The following UCK2 variants were observed in gnomAD, a reference collection of about 807,000 sequenced individuals.
The protein encoded by UCK2 is cytidine monophosphokinase 2.
UCK2 carries 6 observed loss-of-function variants against 30.8 expected under a neutral mutation model. That is an observed-to-expected ratio of 0.19 (90% confidence interval 0.11 to 0.38). The LOEUF (loss-of-function observed/expected upper bound fraction) is 0.38. Among genes scored for constraint, UCK2 ranks in the 10% least tolerant of loss-of-function variants. UCK2 has a pLI of 1.00. For synonymous variants in UCK2, 125 were observed against 133.6 expected (o/e 0.94, Z 0.45); for missense variants, 210 against 339.8 (o/e 0.62, Z 3.00).
intron 1 of UCK2, among the ~76,000 whole-genome samples, chr1:165,828,859 C>CCGTGT (rs1273803700): frequency 6.6e-6 from 1 of 152,168 alleles, no homozygotes; most frequent in Admixed American, 6.5e-5. Flanking sequence ...GATGTGGCTA[C>CCGTGT]TTGTTTTTCC....
At chr1:165,840,321 C>T (rs771445524) in intron 1 of UCK2, among the ~76,000 whole-genome samples, 11 of 152,218 alleles carry the variant, frequency 7.2e-5, no homozygotes, top group Admixed American at 1.3e-4. Flanking sequence ...TGTATGTATA[C>T]ATTGTGGAAT....
rs188096096 is a variant in UCK2 at position 165,874,515 on chromosome 1, C to G, written c.100-15689C>G. On this transcript the variant is annotated intron_variant, in intron 1 of 6. Coordinates refer to ENST00000367879, the MANE Select transcript of UCK2 (RefSeq NM_012474.5). ...CCTGGCAGCCTCCCAAAACAAAGGT[C>G]TCCATCCCCTGCGTTAAAAGGGATA... 7.9e-4 allele frequency among the ~76,000 whole-genome samples: 120 copies of G among 152,230 alleles called. 1 individual carries two copies. Among genetic ancestry groups the G allele is most frequent in the Middle Eastern group, 3.4e-3 (1 of 294 alleles).
At chr1:165,855,738 A>G (rs1388309023) in intron 1 of UCK2, among the ~76,000 whole-genome samples, 2 of 152,104 alleles carry the variant, frequency 1.3e-5, no homozygotes, top group Admixed American at 6.5e-5. Flanking sequence ...GAACATGAAT[A>G]TTCGAGGAGC....
At chr1:165,864,497 A>C (rs531358630) in intron 1 of UCK2, among the ~76,000 whole-genome samples, 25 of 152,308 alleles carry the variant, frequency 1.6e-4, no homozygotes, top group African/African-American at 4.6e-4. Context: ...TACAAAAAGT[A>C]ATTAGAATAG....
intron 1 of UCK2, among the ~76,000 whole-genome samples, chr1:165,836,199 G>C (rs1451700182): frequency 6.6e-6 from 1 of 151,708 alleles, no homozygotes; most frequent in Non-Finnish European, 1.5e-5. Context: ...CTACACTCCA[G>C]CCTGGGCGAC....
intron 1 of UCK2, among the ~76,000 whole-genome samples, chr1:165,840,522 G>T (rs1392370104): frequency 6.6e-6 from 1 of 152,196 alleles, no homozygotes; most frequent in East Asian, 1.9e-4. Context: ...TTGCCGTCCA[G>T]TTCTAGCCAG....
intron 3 of UCK2, among the ~76,000 whole-genome samples, chr1:165,892,476 C>T (rs1655795511): frequency 6.6e-6 from 1 of 152,146 alleles, no homozygotes; most frequent in Non-Finnish European, 1.5e-5. Flanking sequence ...AATCTGGGAG[C>T]TTATGGACTG....
chr1:165,852,338 A>G (rs1181046138), intron 1 of UCK2, among the ~76,000 whole-genome samples: 1 of 152,248 alleles, frequency 6.6e-6, no homozygotes, highest in Non-Finnish European at 1.5e-5. Context: ...AAGGTCTAAT[A>G]TCCAGAATTT....
intron 1 of UCK2, among the ~76,000 whole-genome samples, chr1:165,836,463 TAGACTC>T (rs1205622116): frequency 6.6e-6 from 1 of 152,214 alleles, no homozygotes; most frequent in African/African-American, 2.4e-5. Flanking sequence ...GAAGGTCACT[TAGACTC>T]AGTTTTTACC....
chr1:165,896,801 G>A (rs1312229662), intron 4 of UCK2, among the ~76,000 whole-genome samples: 1 of 152,172 alleles, frequency 6.6e-6, no homozygotes, highest in East Asian at 1.9e-4. Context: ...AGGCTTTATG[G>A]AGGCATTATC....
intron 1 of UCK2, among the ~76,000 whole-genome samples, chr1:165,830,620 G>T (rs1007698788): frequency 6.7e-6 from 1 of 150,030 alleles, no homozygotes; most frequent in Non-Finnish European, 1.5e-5. Flanking sequence ...CCACCACGCC[G>T]GCAATCTTTA....
chr1:165,906,712 G>A (rs1385634488), intron 6 of UCK2, among the ~76,000 whole-genome samples: 1 of 152,212 alleles, frequency 6.6e-6, no homozygotes, highest in Non-Finnish European at 1.5e-5. Context: ...AAGTATGAAT[G>A]TCTCTGGACT....
intron 1 of UCK2, among the ~76,000 whole-genome samples, chr1:165,847,007 G>A (rs1654465046): frequency 6.6e-6 from 1 of 152,062 alleles, no homozygotes; most frequent in South Asian, 2.1e-4. Flanking sequence ...GTAGAGTGGA[G>A]ATAGCTCACA....
At chr1:165,841,816 G>T (rs1654337832) in intron 1 of UCK2, among the ~76,000 whole-genome samples, 1 of 152,120 alleles carries the variant, frequency 6.6e-6, no homozygotes, top group Admixed American at 6.6e-5. Flanking sequence ...TCATTCTCTT[G>T]TGTCATGGTT....
intron 3 of UCK2, chr1:165,891,614 C>A (rs1042709003): frequency 2.1e-5 from 7 of 336,388 alleles, no homozygotes; most frequent in African/African-American, 1.5e-4. Context: ...GCATTCTGAT[C>A]CACATTCCAG....
At chr1:165,900,278 C>G (rs1178125788) in intron 4 of UCK2, 1 of 152,230 alleles carries the variant, frequency 6.6e-6, no homozygotes, top group Non-Finnish European at 1.5e-5. Flanking sequence ...AGAACACATG[C>G]TTATTGAACA....
chr1:165,885,307 C>G (rs777660678), intron 1 of UCK2: 266 of 398,286 alleles, frequency 6.7e-4, no homozygotes, highest in Non-Finnish European at 1.0e-3. Context: ...CCAGTTTCCT[C>G]ATTAGGAAAA....
chr1:165,868,261 C>CA lies in UCK2; in HGVS notation c.100-21941dup, dbSNP rs571675408. On this transcript the variant is annotated intron_variant, in intron 1 of 6. Transcript: ENST00000367879. Reference sequence around the variant, plus strand: ...GCACAGGCAGAGTAGATGGAGCATACAAGGGCCTTAGGATTTTTGGAATGG... The same window carrying CA: ...GCACAGGCAGAGTAGATGGAGCATACAAAGGGCCTTAGGATTTTTGGAATGG... Among the ~76,000 whole-genome samples, 419 of 152,280 alleles carry CA rather than the reference C, an allele frequency of 2.8e-3. 2 individuals are homozygous for CA. The highest frequency in any genetic ancestry group is 9.4e-3 in the African/African-American group (391 of 41,552).
intron 1 of UCK2, among the ~76,000 whole-genome samples, chr1:165,843,142 A>T (rs1357164582): frequency 6.6e-6 from 1 of 152,050 alleles, no homozygotes; most frequent in Non-Finnish European, 1.5e-5. Context: ...ACTGAGTTTC[A>T]GGTCACTGTC....
Sources: allele counts gnomAD v4.1 joint callset (sites outside exome capture counted in the v4.1 genomes callset), GRCh38; gene constraint gnomAD v4.1.1; transcripts MANE v1.5; gene names NCBI Gene and HGNC (gene_info 2026-07-23, HGNC 2026-07-21).